MUC4: variants seen among roughly 807,000 people sequenced by gnomAD.
MUC4 encodes mucin 4, cell surface associated.
A neutral mutation model predicts 257.9 loss-of-function variants in MUC4; 202 were observed. The observed-to-expected ratio is 0.78, with a 90% CI of 0.70 to 0.88. MUC4 has a LOEUF of 0.88. MUC4 is among the 40% of genes least tolerant of loss of function. The pLI, the probability that MUC4 is intolerant of heterozygous loss-of-function variation, is 0.00. For synonymous variants in MUC4, 2,351 were observed against 2,757.1 expected (o/e 0.85, Z 4.62); for missense variants, 5,976 against 6,513.7 (o/e 0.92, Z 2.84).
intron 24 of MUC4, 105 bp downstream of exon 24, chr3:195,748,797 T>G: frequency 7.3e-7 from 1 of 1,369,904 alleles, no homozygotes; most frequent in Non-Finnish European, 9.6e-7. Context: ...TCTTCCCTGG[T>G]CTCTGATCTC....
At chr3:195,799,116 G>A (rs960421559) in intron 1 of MUC4, among the ~76,000 whole-genome samples, 22 of 152,056 alleles carry the variant, frequency 1.4e-4, no homozygotes, top group Admixed American at 1.4e-3. Flanking sequence ...CCACCTCTCT[G>A]TGCAATGAGA....
intron 1 of MUC4, among the ~76,000 whole-genome samples, chr3:195,808,883 A>G (rs932139670): frequency 6.6e-6 from 1 of 152,062 alleles, no homozygotes; most frequent in Non-Finnish European, 1.5e-5. Context: ...TCCCAGACTG[A>G]CAGATAGACC....
intron 1 of MUC4, among the ~76,000 whole-genome samples, chr3:195,793,509 AAAT>A (rs202200908): frequency 9.3e-5 from 13 of 140,106 alleles, no homozygotes; most frequent in Admixed American, 2.1e-4. Context: ...CTCAAAAAAA[AAAT>A]AAATAAATAA....
At chr3:195,798,732 A>AGTATAG (rs1418342903) in intron 1 of MUC4, among the ~76,000 whole-genome samples, 2 of 152,172 alleles carry the variant, frequency 1.3e-5, no homozygotes, top group Admixed American at 1.3e-4. Flanking sequence ...TAAAAAATAT[A>AGTATAG]TATGTATAGT....
Position 195,786,134 on chromosome 3 carries a change from A to C in MUC4, c.5446T>G (p.Ser1816Ala), listed in dbSNP as rs765413475. 31 of 1,531,710 alleles carry C rather than the reference A, an allele frequency of 2.0e-5. 1 individual carries two copies. The African/African-American group carries it at 4.4e-4, about 22-fold the overall frequency. 94.9% of individuals were successfully genotyped at this position (1,531,710 alleles called of 1,614,324 possible). A position where few individuals can be genotyped will look rare whatever the true frequency, so the allele number is the denominator to read the frequency against. Residue 1816 changes from serine to alanine, a missense_variant, in exon 2 of 25, where the codon TCA (serine) becomes GCA (alanine). Ser to Ala is a moderately conservative substitution (Grantham distance 99). This residue lies in a region of MUC4 where 9 missense variants were observed against 61.2 expected (regional missense o/e 0.15). Coordinates refer to ENST00000463781, the MANE Select transcript of MUC4 (RefSeq NM_018406.7). ...AIPLPVTSPS[S>A]ASTGDTTPLP... is the part of the protein sequence containing the mutation. ...GGGGTGGTGTCACCTGTGGATGCTG[A>C]GGAAGGGCTGGTGACAGGAAGAGGG...
At chr3:195,754,096 G>T in intron 19 of MUC4, 117 bp downstream of exon 19, 1 of 1,345,418 alleles carries the variant, frequency 7.4e-7, no homozygotes, top group South Asian at 1.5e-5. Context: ...TGCCTAGATT[G>T]AGCATTCTAA....
chr3:195,752,509 C>G, intron 20 of MUC4, 63 bp from the exon 21 acceptor site: 3 of 1,468,220 alleles, frequency 2.0e-6, no homozygotes, highest in Non-Finnish European at 2.9e-6. Context: ...CCCAAAAAGT[C>G]TGTCGGGCCA....
chr3:195,754,301 C>G lies in MUC4; in HGVS notation c.15240G>C (p.Glu5080Asp). Residue 5080 changes from glutamate (E) to aspartate (D), a missense_variant, in exon 19 of 25, where the codon GAG becomes GAC. Coordinates refer to ENST00000463781, the MANE Select transcript of MUC4 (RefSeq NM_018406.7). Reference protein sequence around the residue: ...YCEGSEDACEEPCFPSVHCVP... With the variant: ...YCEGSEDACEDPCFPSVHCVP... Reference sequence around the variant, plus strand: ...CGCAGTGGACACTCGGGAAGCACGGCTCCTCACAGGCATCCTCGGAGCCCT... The same window carrying G: ...CGCAGTGGACACTCGGGAAGCACGGGTCCTCACAGGCATCCTCGGAGCCCT... 1 of 1,613,804 alleles carries G rather than the reference C, an allele frequency of 6.2e-7. No individual in the cohort carries two copies. The highest frequency in any genetic ancestry group is 8.5e-7 in the Non-Finnish European group (1 of 1,179,994).
chr3:195,805,546 C>G (rs543775911), intron 1 of MUC4, among the ~76,000 whole-genome samples: 3 of 152,200 alleles, frequency 2.0e-5, no homozygotes, highest in Non-Finnish European at 4.4e-5. Context: ...AGTGGTTAGC[C>G]TCGGGCTGTC....
intron 7 of MUC4, among the ~76,000 whole-genome samples, chr3:195,768,515 A>G (rs763596583): frequency 6.6e-6 from 1 of 152,216 alleles, no homozygotes; most frequent in Non-Finnish European, 1.5e-5. Flanking sequence ...GGCAGATTCT[A>G]GCCTCAGATG....
intron 3 of MUC4, 137 bp downstream of exon 3, chr3:195,778,166 C>A (rs189843800): frequency 1.7e-6 from 2 of 1,178,950 alleles, no homozygotes; most frequent in African/African-American, 1.6e-5. Flanking sequence ...CCCTCAGGAG[C>A]GACTCCGATG....
In MUC4 at chr3:195,802,715, A is replaced by G. The variant is rs148101369; in HGVS notation, c.82+9021T>C. 7.2e-5 allele frequency among the ~76,000 whole-genome samples: 11 copies of G among 152,244 alleles called. No homozygotes were observed. The East Asian group carries it at 1.2e-3, about 16-fold the overall frequency. ...TTCGTCTGGTTGTGACTGAGGAAAG[A>G]TACTTCCAGCGCGTCTGTGTGCGTG... On this transcript the variant is annotated intron_variant, in intron 1 of 24. Transcript: ENST00000463781.
Position 195,787,835 on chromosome 3 carries a change from GA to G in MUC4, c.3744del (p.Leu1249PhefsTer195). ...PSAASTGHTTPLPVTDTSSAS... is the reference protein window; with the variant it reads ...PSAASTGHTTXLPVTDTSSAS... ...GCTGAGGAAGTGTCGGTGACAGGAA[GA>G]GGGGTGGTGTGACCTGTGGATGCTG... On this transcript the variant is annotated frameshift_variant, in exon 2 of 25. Transcript: ENST00000463781. LOFTEE classifies it high-confidence loss of function. The G allele has an allele frequency of 1.9e-6, 1 of 530,180 alleles. No homozygotes were observed. Among genetic ancestry groups the G allele is most frequent in the South Asian group, 2.0e-5 (1 of 49,350 alleles). 32.8% of individuals were successfully genotyped at this position (530,180 alleles called of 1,614,324 possible). A position where few individuals can be genotyped will look rare whatever the true frequency, so the allele number is the denominator to read the frequency against.
At chr3:195,778,506 G>C in intron 2 of MUC4, 51 bp from the exon 3 acceptor site, 2 of 1,590,404 alleles carry the variant, frequency 1.3e-6, no homozygotes, top group Non-Finnish European at 1.7e-6. Context: ...AACAAAACAG[G>C]AGAGTCAAAG....
At position 195,753,133 on chromosome 3, in the gene MUC4, C is replaced by T. The variant is rs539133323; in HGVS notation, c.15426G>A (p.Gln5142=). The change falls in exon 20 of 25, where the codon CAG becomes CAA. Residue 5142 remains glutamine, a synonymous_variant. Transcript: ENST00000463781. ...HCYISQTLGC[Q]PMCTCPPAFT... Reference sequence around the variant, plus strand: ...AGGCTGGGGGGCAGGTGCACATGGGCTGACAGCCCAGAGTCTGGGAGATGT... The same window carrying T: ...AGGCTGGGGGGCAGGTGCACATGGGTTGACAGCCCAGAGTCTGGGAGATGT... 23 of 1,612,960 alleles carry T rather than the reference C, an allele frequency of 1.4e-5. No individual in the cohort carries two copies. The South Asian group carries it at 2.5e-4, about 18-fold the overall frequency.
At chr3:195,809,273 G>T (rs550331734) in intron 1 of MUC4, among the ~76,000 whole-genome samples, 37 of 152,332 alleles carry the variant, frequency 2.4e-4, no homozygotes, top group African/African-American at 8.9e-4. Context: ...CTGGGCTTCA[G>T]TGTGACCCAG....
At chr3:195,805,722 C>G (rs951447365) in intron 1 of MUC4, among the ~76,000 whole-genome samples, 1 of 148,160 alleles carries the variant, frequency 6.7e-6, no homozygotes, top group African/African-American at 2.5e-5. Flanking sequence ...GTCTCAAACT[C>G]CTGACCTCAA....
Position 195,766,592 on chromosome 3 carries a change from C to T in MUC4, c.13618+71G>A, listed in dbSNP as rs948070641. The T allele has an allele frequency of 1.9e-5, 26 of 1,388,154 alleles. No homozygotes were observed. In the Admixed American group the frequency reaches 2.7e-4, roughly 14 times the overall value. The allele number at this position is 1,388,154 out of a possible 1,614,324, so 86.0% of individuals were successfully genotyped here. A position where few individuals can be genotyped will look rare whatever the true frequency, so the allele number is the denominator to read the frequency against. On this transcript the variant is annotated intron_variant, in intron 8 of 24. Transcript: ENST00000463781. Reference sequence around the variant, plus strand: ...GTTAGGGAGGTGCCCTCTAGGACTGCGATGGTGTATGGGCTGGAGGACACG... The same window carrying T: ...GTTAGGGAGGTGCCCTCTAGGACTGTGATGGTGTATGGGCTGGAGGACACG...
At chr3:195,761,165 T>A in intron 15 of MUC4, 48 bp from the exon 16 acceptor site, 1 of 1,548,278 alleles carries the variant, frequency 6.5e-7, no homozygotes, top group Non-Finnish European at 8.9e-7. Context: ...CTCAGCCTTA[T>A]TCCATCTGTG....
Sources: allele counts gnomAD v4.1 joint callset (sites outside exome capture counted in the v4.1 genomes callset), GRCh38; gene constraint gnomAD v4.1.1; regional missense constraint gnomAD v4.1.1; transcripts MANE v1.5; gene names NCBI Gene and HGNC (gene_info 2026-07-23, HGNC 2026-07-21).